The following PAFAH1B1 variants were observed in gnomAD, a reference collection of about 807,000 sequenced individuals.
The protein encoded by PAFAH1B1 is platelet activating factor acetylhydrolase 1b regulatory subunit 1.
A neutral mutation model predicts 57.5 loss-of-function variants in PAFAH1B1; 2 were observed. That is an observed-to-expected ratio of 0.03 (90% CI 0.01 to 0.11). The LOEUF is 0.11. Ranked by LOEUF, PAFAH1B1 falls within the 10% of genes least tolerant of loss-of-function variation. PAFAH1B1 has a pLI of 1.00. For missense variants in PAFAH1B1, 257 were observed against 512.0 expected (o/e 0.50, Z 4.81); for synonymous variants, 152 against 169.6 (o/e 0.90, Z 0.81).
At chr17:2,642,553 A>G (rs2068710179) in intron 2 of PAFAH1B1, 2 of 152,232 alleles carry the variant, frequency 1.3e-5, no homozygotes, top group South Asian at 4.1e-4. Flanking sequence ...TCCATAATTT[A>G]GAAAAAATGT....
At chr17:2,626,485 G>A (rs2068492141) in intron 1 of PAFAH1B1, among the ~76,000 whole-genome samples, 1 of 139,274 alleles carries the variant, frequency 7.2e-6, no homozygotes, top group African/African-American at 2.7e-5. Context: ...TAGCTACTAT[G>A]TAGAAAATTT....
chr17:2,675,815 T>G (rs564688787), intron 8 of PAFAH1B1, among the ~76,000 whole-genome samples: 77 of 152,228 alleles, frequency 5.1e-4, no homozygotes, highest in Middle Eastern at 3.4e-3. Flanking sequence ...CACTCCAGCC[T>G]GGGTGACAGA....
At chr17:2,606,810 C>CTTTTTTTTTTTTTTTTTTT (rs770011553) in intron 1 of PAFAH1B1, among the ~76,000 whole-genome samples, 3 of 101,714 alleles carry the variant, frequency 2.9e-5, no homozygotes, top group African/African-American at 3.9e-5. Context: ...TGCCTCAGAG[C>CTTTTTTTTTTTTTTTTTTT]TTTTTTTTTT....
At chr17:2,646,766 AT>A (rs1393413284) in intron 2 of PAFAH1B1, among the ~76,000 whole-genome samples, 2 of 152,242 alleles carry the variant, frequency 1.3e-5, no homozygotes, top group Non-Finnish European at 2.9e-5. Flanking sequence ...ATCATTAAAT[AT>A]AGAGAACATT....
At chr17:2,635,274 G>A (rs1413985074) in intron 1 of PAFAH1B1, 2 of 151,904 alleles carry the variant, frequency 1.3e-5, no homozygotes, top group Non-Finnish European at 2.9e-5. Context: ...GAATAAATTT[G>A]TTCAGTACAC....
chr17:2,638,575 T>A, intron 2 of PAFAH1B1: 1 of 412,126 alleles, frequency 2.4e-6, no homozygotes, highest in Non-Finnish European at 4.4e-6. Flanking sequence ...TGGCGCCATC[T>A]CGGCTCACTT....
intron 1 of PAFAH1B1, among the ~76,000 whole-genome samples, chr17:2,608,966 A>G (rs1281216320): frequency 6.6e-6 from 1 of 152,204 alleles, no homozygotes; most frequent in African/African-American, 2.4e-5. Flanking sequence ...TTTATTCATT[A>G]TCTAGCCAGG....
chr17:2,595,497 G>T (rs1251206649), intron 1 of PAFAH1B1, among the ~76,000 whole-genome samples: 1 of 145,434 alleles, frequency 6.9e-6, no homozygotes, highest in Non-Finnish European at 1.5e-5. Context: ...AAAATTTCCT[G>T]TTGACTGTGT....
intron 1 of PAFAH1B1, among the ~76,000 whole-genome samples, chr17:2,608,395 T>C (rs963120569): frequency 9.9e-5 from 15 of 152,264 alleles, no homozygotes; most frequent in Admixed American, 1.3e-4. Flanking sequence ...TTTTACCATA[T>C]TTTCTTTATG....
Position 2,665,433 on chromosome 17 carries a change from A to G in PAFAH1B1, c.94A>G (p.Lys32Glu). The G allele has an allele frequency of 1.9e-6, 3 of 1,599,346 alleles. No homozygotes were observed. The highest frequency in any genetic ancestry group is 2.6e-6 in the Non-Finnish European group (3 of 1,167,496). ...NGYEEAYSVF[K>E]KEAELDVNEE... ...CTATGAAGAGGCATATTCAGTTTTT[A>G]AAAAGGAAGCTGAATTAGATGTGGT... Residue 32 changes from lysine (K) to glutamate (E), a missense_variant, in exon 3 of 11, where the codon AAA becomes GAA. Lys to Glu is a moderately conservative substitution (Grantham distance 56). Transcript: ENST00000397195.
rs142889390 is a variant in PAFAH1B1 at position 2,599,402 on chromosome 17, T to G, written c.-191+5396T>G. Among the ~76,000 whole-genome samples the G allele has an allele frequency of 2.1e-3, 325 of 152,346 alleles. 1 individual carries two copies. Among genetic ancestry groups the G allele is most frequent in the African/African-American group, 7.5e-3 (310 of 41,586 alleles). ...AAATGGTGAAAGTTGGTGGTATTTA[T>G]TGCCTGCATCATTTAAATTGGCATT... On this transcript the variant is annotated intron_variant, in intron 1 of 10. Coordinates refer to ENST00000397195, the MANE Select transcript of PAFAH1B1 (RefSeq NM_000430.4).
Position 2,593,660 on chromosome 17 carries a change from A to G in PAFAH1B1, c.-537A>G. 3.7e-6 allele frequency: 1 copy of G among 266,712 alleles called. No homozygotes were observed. The highest frequency in any genetic ancestry group is 6.9e-6 in the Non-Finnish European group (1 of 145,460). The allele number at this position is 266,712 out of a possible 1,614,324, so 16.5% of individuals were successfully genotyped here. A position where few individuals can be genotyped will look rare whatever the true frequency, so the allele number is the denominator to read the frequency against. The stretch of plus-strand genomic sequence containing the variant: ...TTGGGGCAGCTCCTGTGACAGACGG[A>G]GCTGGAGCGGCGGGGCGGCGGCGGA... On this transcript the variant is annotated 5_prime_UTR_variant, in exon 1 of 11. Transcript: ENST00000397195.
intron 1 of PAFAH1B1, among the ~76,000 whole-genome samples, chr17:2,631,036 T>G (rs1442416040): frequency 1.3e-5 from 2 of 151,972 alleles, no homozygotes; most frequent in African/African-American, 4.8e-5. Flanking sequence ...AGGTCATGAG[T>G]TTGAGACCAG....
chr17:2,608,029 T>C (rs1205936789), intron 1 of PAFAH1B1, among the ~76,000 whole-genome samples: 3 of 152,204 alleles, frequency 2.0e-5, no homozygotes, highest in Admixed American at 6.5e-5. Flanking sequence ...ATTATTGATA[T>C]ATGTAGATCT....
At chr17:2,632,765 T>C (rs1036104166) in intron 1 of PAFAH1B1, among the ~76,000 whole-genome samples, 2 of 152,224 alleles carry the variant, frequency 1.3e-5, no homozygotes, top group African/African-American at 2.4e-5. Flanking sequence ...ATTTATATTA[T>C]AGGGGAAGAT....
chr17:2,602,999 A>T (rs2068162719), intron 1 of PAFAH1B1, among the ~76,000 whole-genome samples: 1 of 152,080 alleles, frequency 6.6e-6, no homozygotes, highest in Non-Finnish European at 1.5e-5. Flanking sequence ...AGTCACTTCA[A>T]GTTTCATTTC....
intron 2 of PAFAH1B1, chr17:2,640,588 AT>A (rs1378675464): frequency 2.0e-5 from 3 of 151,392 alleles, no homozygotes; most frequent in Non-Finnish European, 4.4e-5. Context: ...AGTAGCTGGA[AT>A]TACAGGCGCA....
intron 1 of PAFAH1B1, among the ~76,000 whole-genome samples, chr17:2,614,111 C>T (rs2068307713): frequency 6.9e-6 from 1 of 144,306 alleles, no homozygotes; most frequent in Non-Finnish European, 1.5e-5. Context: ...CTGCTGCAGC[C>T]TCAACCTCCC....
intron 1 of PAFAH1B1, among the ~76,000 whole-genome samples, chr17:2,615,121 A>G (rs2068321823): frequency 6.6e-6 from 1 of 152,250 alleles, no homozygotes; most frequent in South Asian, 2.1e-4. Context: ...CCTGAACAAT[A>G]CAATATAACA....
Sources: gnomAD v4.1 joint callset for allele counts (sites outside exome capture counted in the v4.1 genomes callset) on GRCh38, gnomAD v4.1.1 for gene constraint, MANE v1.5 for transcripts, NCBI Gene and HGNC (gene_info 2026-07-23, HGNC 2026-07-21) for gene names.